Variants in SHISA9 observed in about 807,000 individuals in gnomAD.
SHISA9 encodes protein shisa-9.
Under a neutral mutation model 38.0 loss-of-function variants are expected in SHISA9, and 13 were observed. The ratio of observed to expected loss-of-function variants is 0.34; its 90% confidence interval spans 0.22 to 0.54. SHISA9 has a LOEUF of 0.54. Ranked by LOEUF, SHISA9 falls within the 20% of genes least tolerant of loss-of-function variation. SHISA9 has a pLI of 0.91. For missense variants in SHISA9, 538 were observed against 575.8 expected, an observed-to-expected ratio of 0.93 and a Z score of 0.67; for synonymous variants, 275 against 242.0, an observed-to-expected ratio of 1.14 and a Z score of -1.27.
chr16:13,421,162 C>T, the SHISA9 span, among the ~76,000 whole-genome samples: 1 of 152,132 alleles, frequency 6.6e-6, no homozygotes, highest in African/African-American at 2.4e-5. Context: ...AGAGGATCTG[C>T]TGCATTCAGA....
At chr16:13,061,988 G>A (rs1295580686) in intron 2 of SHISA9, among the ~76,000 whole-genome samples, 1 of 152,170 alleles carries the variant, frequency 6.6e-6, no homozygotes, top group African/African-American at 2.4e-5. Context: ...GGTGGGGCTG[G>A]ACTTGAGTGA....
At chr16:13,229,146 C>T (rs779722491) in intron 4 of SHISA9, among the ~76,000 whole-genome samples, 5 of 152,122 alleles carry the variant, frequency 3.3e-5, no homozygotes, top group East Asian at 3.8e-4. Flanking sequence ...GGTGACAGAG[C>T]GAGACACTGT....
chr16:13,345,659 T>C, the SHISA9 span, among the ~76,000 whole-genome samples: 1 of 152,106 alleles, frequency 6.6e-6, no homozygotes, highest in African/African-American at 2.4e-5. Flanking sequence ...TATCTTTAGG[T>C]CTTTGACGAA....
At chr16:13,072,558 G>A (rs1418932041) in intron 2 of SHISA9, among the ~76,000 whole-genome samples, 1 of 152,180 alleles carries the variant, frequency 6.6e-6, no homozygotes, top group Non-Finnish European at 1.5e-5. Flanking sequence ...TTTAGTTCTA[G>A]CAGCTCCTAC....
intron 2 of SHISA9, among the ~76,000 whole-genome samples, chr16:13,036,580 G>C (rs1369888841): frequency 2.6e-5 from 4 of 152,068 alleles, no homozygotes; most frequent in Non-Finnish European, 5.9e-5. Context: ...TCTGTAAAAA[G>C]TCATCAAAAT....
At chr16:13,019,824 CTTT>C (rs1567183856) in intron 2 of SHISA9, among the ~76,000 whole-genome samples, 167 of 110,538 alleles carry the variant, frequency 1.5e-3, no homozygotes, top group African/African-American at 3.8e-3. Flanking sequence ...TTCTTTCTTT[CTTT>C]CTTTCTTTTT....
At chr16:13,318,683 T>C in the SHISA9 span, among the ~76,000 whole-genome samples, 609 of 152,264 alleles carry the variant, frequency 4.0e-3, 7 homozygotes, top group African/African-American at 0.014. Context: ...ACCACTGTGG[T>C]GGATCAACAT....
chr16:13,259,253 C>T, the SHISA9 span, among the ~76,000 whole-genome samples: 75 of 152,348 alleles, frequency 4.9e-4, 2 homozygotes, highest in Non-Finnish European at 8.2e-4. Flanking sequence ...CCAGGTCTCA[C>T]ATCCAGTTCA....
intron 2 of SHISA9, among the ~76,000 whole-genome samples, chr16:12,975,841 TAAA>T (rs1391991385): frequency 6.6e-6 from 1 of 151,808 alleles, no homozygotes; most frequent in Non-Finnish European, 1.5e-5. Flanking sequence ...GCCTGAGTGA[TAAA>T]GAAGGATAAT....
At chr16:13,507,355 C>T in the SHISA9 span, among the ~76,000 whole-genome samples, 3 of 152,022 alleles carry the variant, frequency 2.0e-5, no homozygotes, top group Admixed American at 2.0e-4. Context: ...CATTTTGGGC[C>T]TCCAGATATC....
chr16:13,342,481 T>C, the SHISA9 span, among the ~76,000 whole-genome samples: 1 of 152,270 alleles, frequency 6.6e-6, no homozygotes, highest in African/African-American at 2.4e-5. Flanking sequence ...GTAGAGAATT[T>C]CACCATGTTG....
At chr16:13,428,174 C>G in the SHISA9 span, among the ~76,000 whole-genome samples, 1 of 143,426 alleles carries the variant, frequency 7.0e-6, no homozygotes, top group African/African-American at 2.6e-5. Flanking sequence ...ATGAAAGGGA[C>G]TGCCATATGG....
rs934157226 is a variant in SHISA9 at position 12,999,369 on chromosome 16, G to A, written c.691+82554G>A. ...TGTTTTACCTTGGCTGACAATGGGC[G>A]CGTTGTGTGGTTCAGACTTTTTTCA... On this transcript the variant is annotated intron_variant, in intron 2 of 4. Coordinates refer to ENST00000558583, the MANE Select transcript of SHISA9 (RefSeq NM_001145204.3). Among the ~76,000 whole-genome samples the A allele has an allele frequency of 3.9e-5, 6 of 152,146 alleles. 1 individual carries two copies. The highest frequency in any genetic ancestry group is 7.4e-5 in the Non-Finnish European group (5 of 68,026).
At chr16:13,542,303 G>A in the SHISA9 span, among the ~76,000 whole-genome samples, 1 of 152,168 alleles carries the variant, frequency 6.6e-6, no homozygotes. Context: ...GTCCCAGAAA[G>A]CTATAACATG....
intron 3 of SHISA9, chr16:13,204,779 G>A (rs1225153475): frequency 6.6e-6 from 1 of 152,220 alleles, no homozygotes; most frequent in African/African-American, 2.4e-5. Flanking sequence ...AGAAAACTGA[G>A]ACTCTAAGAG....
the SHISA9 span, among the ~76,000 whole-genome samples, chr16:13,416,809 G>T: frequency 6.7e-6 from 1 of 149,760 alleles, no homozygotes; most frequent in African/African-American, 2.5e-5. Flanking sequence ...AGGAAGGAAG[G>T]AAGGGAAGGA....
At chr16:13,376,432 C>T in the SHISA9 span, among the ~76,000 whole-genome samples, 1 of 152,146 alleles carries the variant, frequency 6.6e-6, no homozygotes, top group African/African-American at 2.4e-5. Flanking sequence ...AGCACATTTA[C>T]AGCCAGGTGG....
At chr16:13,122,472 G>A (rs922076102) in intron 2 of SHISA9, among the ~76,000 whole-genome samples, 1 of 152,200 alleles carries the variant, frequency 6.6e-6, no homozygotes, top group Admixed American at 6.5e-5. Flanking sequence ...GGTCAAGGGG[G>A]AAAGAGAAGC....
intron 2 of SHISA9, among the ~76,000 whole-genome samples, chr16:12,917,216 G>T (rs1165762573): frequency 6.6e-6 from 1 of 152,172 alleles, no homozygotes; most frequent in Non-Finnish European, 1.5e-5. Context: ...TTATACGTCT[G>T]CCTCCTGAGG....
Sources: gnomAD v4.1 joint callset for allele counts (sites outside exome capture counted in the v4.1 genomes callset) on GRCh38, gnomAD v4.1.1 for gene constraint, MANE v1.5 for transcripts, NCBI Gene and HGNC (gene_info 2026-07-23, HGNC 2026-07-21) for gene names.